Variants in TPST1 observed in about 807,000 individuals in gnomAD.
The protein encoded by TPST1 is tyrosylprotein sulfotransferase 1, also known as protein-tyrosine sulfotransferase 1.
TPST1 carries 20 observed loss-of-function variants against 34.8 expected under a neutral mutation model. The observed-to-expected ratio is 0.57, with a 90% confidence interval of 0.40 to 0.84. The LOEUF is 0.84. Among genes scored for constraint, TPST1 ranks in the 40% least tolerant of loss-of-function variants. The pLI is 0.00. For synonymous variants in TPST1, 152 were observed against 159.4 expected, an observed-to-expected ratio of 0.95 and a Z score of 0.35; for missense variants, 353 against 455.5, an observed-to-expected ratio of 0.78 and a Z score of 2.05.
rs1562847266 is a variant in TPST1, at chr7:66,328,902, A to ATT, written c.1045-23602_1045-23601insTT. Among the ~76,000 whole-genome samples, 74 of 38,570 alleles carry ATT rather than the reference A, an allele frequency of 1.9e-3. 1 individual carries two copies. The highest frequency in any genetic ancestry group is 3.0e-3 in the East Asian group (5 of 1,684). The allele number at this position is 38,570 out of a possible 152,430, so 25.3% of individuals were successfully genotyped here. A position where few individuals can be genotyped will look rare whatever the true frequency, so the allele number is the denominator to read the frequency against. On this transcript the variant is annotated intron_variant, in intron 3 of 5. Coordinates refer to ENST00000304842, the MANE Select transcript of TPST1 (RefSeq NM_003596.4). ...TCTCTCTCTCTATATATATATATATATATATTTTTTTTTTTTTTTTTTTTT... is the reference window on the plus strand; with the variant it reads ...TCTCTCTCTCTATATATATATATATATTTATATTTTTTTTTTTTTTTTTTTTT...
intron 1 of TPST1, among the ~76,000 whole-genome samples, chr7:66,224,821 T>G (rs936263462): frequency 4.6e-5 from 7 of 151,770 alleles, no homozygotes; most frequent in Admixed American, 4.6e-4. Flanking sequence ...TAATAGTGAT[T>G]CCTCAGATAC....
chr7:66,304,592 T>A (rs895146473), intron 3 of TPST1, among the ~76,000 whole-genome samples: 2 of 152,180 alleles, frequency 1.3e-5, no homozygotes, highest in African/African-American at 2.4e-5. Flanking sequence ...ACACACCTAC[T>A]TAAACCATAT....
At chr7:66,339,366 C>G (rs948712918) in intron 3 of TPST1, among the ~76,000 whole-genome samples, 3 of 152,134 alleles carry the variant, frequency 2.0e-5, no homozygotes, top group Non-Finnish European at 4.4e-5. Context: ...TAAAAAAAGT[C>G]TCTCAACCAA....
At chr7:66,321,783 C>T (rs1228574115) in intron 3 of TPST1, among the ~76,000 whole-genome samples, 4 of 152,184 alleles carry the variant, frequency 2.6e-5, no homozygotes, top group Non-Finnish European at 5.9e-5. Context: ...TTTTCTTCCT[C>T]GTGTCTATTG....
chr7:66,344,698 A>G (rs968522382), intron 3 of TPST1, among the ~76,000 whole-genome samples: 1 of 147,376 alleles, frequency 6.8e-6, no homozygotes, highest in Admixed American at 6.8e-5. Flanking sequence ...GGTGTGAGGC[A>G]CCTCACCCAG....
In TPST1 at chr7:66,332,311, C is replaced by T. The variant is rs1792011935; in HGVS notation, c.1045-20194C>T. ...AGATGAGAGTCTCGTTTGTGTTGCTCAGGCTGGAGTGCAAGGCACAATCTC... is the reference window on the plus strand; with the variant it reads ...AGATGAGAGTCTCGTTTGTGTTGCTTAGGCTGGAGTGCAAGGCACAATCTC... On this transcript the variant is annotated intron_variant, in intron 3 of 5. Coordinates refer to ENST00000304842, the MANE Select transcript of TPST1 (RefSeq NM_003596.4). The surrounding 1 kb of genome is among the most constrained non-coding windows in gnomAD (Gnocchi z 4.5). Among the ~76,000 whole-genome samples, 1 of 149,910 alleles carries T rather than the reference C, an allele frequency of 6.7e-6. No individual in the cohort carries two copies. Among genetic ancestry groups the T allele is most frequent in the Non-Finnish European group, 1.5e-5 (1 of 67,758 alleles).
At chr7:66,296,247 TC>T (rs1554349788) in intron 3 of TPST1, among the ~76,000 whole-genome samples, 1,730 of 40,058 alleles carry the variant, frequency 0.043, 71 homozygotes, top group East Asian at 0.2. Flanking sequence ...CACCCACCCT[TC>T]CCCCCCCCCT....
At position 66,352,587 on chromosome 7, in the gene TPST1, A is replaced by T; in HGVS notation, c.1095+32A>T. On this transcript the variant is annotated intron_variant, in intron 4 of 5. Coordinates refer to ENST00000304842, the MANE Select transcript of TPST1 (RefSeq NM_003596.4). ...TGTCTGCTTTTTCCTCCTGATGTAT[A>T]CTAGATTGGCTCTTGCATTGAAGTA... 1.9e-6 allele frequency: 3 copies of T among 1,606,562 alleles called. No homozygotes were observed. The South Asian group carries it at 3.4e-5, about 18-fold the overall frequency.
upstream of TPST1, among the ~76,000 whole-genome samples, chr7:66,204,289 A>G (rs986605433): frequency 6.6e-6 from 1 of 152,218 alleles, no homozygotes; most frequent in Non-Finnish European, 1.5e-5. Flanking sequence ...CTGTGTGCAA[A>G]GGAAGGTAGT....
chr7:66,242,955 A>G (rs543302610), intron 2 of TPST1, among the ~76,000 whole-genome samples: 10 of 152,284 alleles, frequency 6.6e-5, no homozygotes, highest in African/African-American at 2.2e-4. Flanking sequence ...TGTTTTTTCA[A>G]AAATTAACAT....
chr7:66,203,642 T>G (rs1789061610), upstream of TPST1, among the ~76,000 whole-genome samples: 1 of 151,808 alleles, frequency 6.6e-6, no homozygotes, highest in Non-Finnish European at 1.5e-5. Context: ...CCAGCCACCA[T>G]GCCTGGCTAA....
chr7:66,248,068 A>G (rs758769701), intron 2 of TPST1, among the ~76,000 whole-genome samples: 2 of 152,248 alleles, frequency 1.3e-5, no homozygotes, highest in African/African-American at 4.8e-5. Flanking sequence ...AGAAGTTACA[A>G]TATGAACACC....
At chr7:66,259,987 G>A (rs1333454107) in intron 2 of TPST1, among the ~76,000 whole-genome samples, 3 of 152,106 alleles carry the variant, frequency 2.0e-5, no homozygotes, top group Non-Finnish European at 4.4e-5. Flanking sequence ...TTTCCAGAAT[G>A]TCATGGAGTT....
chr7:66,255,494 T>C (rs1461538629), intron 2 of TPST1, among the ~76,000 whole-genome samples: 1 of 152,216 alleles, frequency 6.6e-6, no homozygotes, highest in Non-Finnish European at 1.5e-5. Context: ...TGTAGGCCAG[T>C]ATTTAACTCC....
At chr7:66,247,164 A>G (rs972310332) in intron 2 of TPST1, among the ~76,000 whole-genome samples, 3 of 152,252 alleles carry the variant, frequency 2.0e-5, no homozygotes, top group Non-Finnish European at 4.4e-5. Flanking sequence ...ACAGTGGCTC[A>G]CACCTGTAAT....
intron 3 of TPST1, among the ~76,000 whole-genome samples, chr7:66,304,111 GAGGACTAGAGAAGTGA>G (rs1342524044): frequency 5.9e-5 from 9 of 152,230 alleles, no homozygotes; most frequent in Non-Finnish European, 1.0e-4. Flanking sequence ...GCAAATATGG[GAGGACTAGAGAAGTGA>G]AGGTCTGCAC....
rs187116365 is a variant in TPST1, at chr7:66,259,315, C to A, written c.845+18045C>A. ...TCCTCTAAGTTGTTGAATTTATGGG[C>A]ATAAAGTTGTTCATAATCCTTATTA... On this transcript the variant is annotated intron_variant, in intron 2 of 5. Transcript: ENST00000304842. Among the ~76,000 whole-genome samples, 9 of 152,234 alleles carry A rather than the reference C, an allele frequency of 5.9e-5. No homozygotes were observed. In the East Asian group the frequency reaches 1.7e-3, roughly 29 times the overall value.
At chr7:66,352,644 A>C in intron 4 of TPST1, 89 bp downstream of exon 4, 1 of 1,567,238 alleles carries the variant, frequency 6.4e-7, no homozygotes, top group Non-Finnish European at 8.6e-7. Flanking sequence ...AATTAAAAAG[A>C]CAGAAACAAG....
At chr7:66,268,976 G>A (rs973424910) in intron 2 of TPST1, among the ~76,000 whole-genome samples, 1 of 152,164 alleles carries the variant, frequency 6.6e-6, no homozygotes, top group Non-Finnish European at 1.5e-5. Flanking sequence ...GAGCCACCAC[G>A]CCCGGCCTAT....
Sources: gnomAD v4.1 joint callset for allele counts (sites outside exome capture counted in the v4.1 genomes callset) on GRCh38, gnomAD v4.1.1 for gene constraint, Gnocchi (gnomAD v3.1) non-coding constraint, MANE v1.5 for transcripts, NCBI Gene and HGNC (gene_info 2026-07-23, HGNC 2026-07-21) for gene names.